The following ADAMTS17 variants were observed in gnomAD, a reference collection of about 807,000 sequenced individuals.
ADAMTS17 encodes ADAM metallopeptidase with thrombospondin type 1 motif 17.
Under a neutral mutation model 141.5 loss-of-function variants are expected in ADAMTS17, and 113 were observed. That is an observed-to-expected ratio of 0.80 (90% CI 0.69 to 0.93). The LOEUF (loss-of-function observed/expected upper bound fraction) is 0.93, where lower values mean the gene tolerates loss of function less well. ADAMTS17 is among the 40% of genes least tolerant of loss of function. ADAMTS17 has a pLI of 0.00. For synonymous variants in ADAMTS17, 768 were observed against 630.6 expected (o/e 1.22, Z -3.27); for missense variants, 1,659 against 1,517.9 (o/e 1.09, Z -1.54).
At chr15:100,323,127 G>T (rs1356912990) in intron 3 of ADAMTS17, among the ~76,000 whole-genome samples, 1 of 141,846 alleles carries the variant, frequency 7.0e-6, no homozygotes. Flanking sequence ...ATGTTGTAAA[G>T]ATACCAAAAA....
At chr15:100,288,641 CA>C (rs1184121630) in intron 3 of ADAMTS17, among the ~76,000 whole-genome samples, 2 of 152,212 alleles carry the variant, frequency 1.3e-5, no homozygotes, top group South Asian at 4.1e-4. Flanking sequence ...AGCACATTCA[CA>C]AAAAACCCAA....
At chr15:100,243,869 A>G (rs1240148543) in intron 7 of ADAMTS17, among the ~76,000 whole-genome samples, 2 of 152,004 alleles carry the variant, frequency 1.3e-5, no homozygotes, top group Non-Finnish European at 2.9e-5. Flanking sequence ...AATGAGTGTG[A>G]TTAGTCATCC....
rs1292952222 is a variant in ADAMTS17, at chr15:100,152,660, C to G, written c.1425G>C (p.Gln475His). 1 of 1,614,164 alleles carries G rather than the reference C, an allele frequency of 6.2e-7. No homozygotes were observed. Among genetic ancestry groups the G allele is most frequent in the Non-Finnish European group, 8.5e-7 (1 of 1,180,032 alleles). Residue 475 changes from glutamine to histidine, a missense_variant, in exon 10 of 22, where the codon CAG (glutamine) becomes CAC (histidine). Physicochemically the swap from Gln to His is conservative, Grantham distance 24. Coordinates refer to ENST00000268070, the MANE Select transcript of ADAMTS17 (RefSeq NM_139057.4). ...LPGMHYSANE[Q>H]CQILFGMNAT... ...CATTCATGCCAAACAGGATCTGGCA[C>G]TGCTCGTTGGCACTGTAGTGCATGC...
chr15:100,264,232 T>C (rs1359342344), intron 4 of ADAMTS17, among the ~76,000 whole-genome samples: 2 of 152,204 alleles, frequency 1.3e-5, no homozygotes, highest in African/African-American at 4.8e-5. Context: ...CACATATTCA[T>C]GTCCTATCCC....
chr15:100,148,373 A>C (rs1166991275), intron 10 of ADAMTS17, among the ~76,000 whole-genome samples: 3 of 137,916 alleles, frequency 2.2e-5, no homozygotes, highest in African/African-American at 8.1e-5. Flanking sequence ...ATTTCCACCT[A>C]GTATCATTTT....
At chr15:100,164,232 G>T (rs893377573) in intron 8 of ADAMTS17, among the ~76,000 whole-genome samples, 1 of 152,140 alleles carries the variant, frequency 6.6e-6, no homozygotes, top group African/African-American at 2.4e-5. Flanking sequence ...CAGCAGCCAG[G>T]GAGGATGATA....
chr15:100,183,884 G>A (rs967081939), intron 8 of ADAMTS17, among the ~76,000 whole-genome samples: 5 of 152,148 alleles, frequency 3.3e-5, no homozygotes, highest in Non-Finnish European at 5.9e-5. Context: ...TTATGGTATC[G>A]TTGAGGCTCC....
Position 100,054,013 on chromosome 15 carries a change from T to C in ADAMTS17, c.2179A>G (p.Lys727Glu). Residue 727 changes from lysine to glutamate, a missense_variant, in exon 16 of 22, where the codon AAG becomes GAG. Coordinates refer to ENST00000268070, the MANE Select transcript of ADAMTS17 (RefSeq NM_139057.4). ...SGKGSINSDW[K>E]IELPGEFQIA... ...TGGAACTCTCCGGGGAGCTCTATCT[T>C]CCAGTCACTGTTGATGGACCCCTTA... 3 of 1,614,184 alleles carry C rather than the reference T, an allele frequency of 1.9e-6. No individual in the cohort carries two copies. The highest frequency in any genetic ancestry group is 2.5e-6 in the Non-Finnish European group (3 of 1,180,036).
intron 10 of ADAMTS17, among the ~76,000 whole-genome samples, chr15:100,138,435 C>T (rs575477225): frequency 4.7e-4 from 71 of 152,088 alleles, no homozygotes; most frequent in African/African-American, 1.7e-3. Context: ...AAGCTAGCAG[C>T]AAGATATTAA....
chr15:100,269,430 TTTGA>T (rs2043828350), intron 4 of ADAMTS17, among the ~76,000 whole-genome samples: 2 of 152,204 alleles, frequency 1.3e-5, no homozygotes, highest in Admixed American at 6.5e-5. Context: ...TTGCTGGGAT[TTTGA>T]TTGATTGACT....
At chr15:100,086,047 C>G in intron 15 of ADAMTS17, among the ~76,000 whole-genome samples, 1 of 150,636 alleles carries the variant, frequency 6.6e-6, no homozygotes, top group East Asian at 2.0e-4. Context: ...AAGACACAGA[C>G]TAGCAAACTG....
intron 3 of ADAMTS17, among the ~76,000 whole-genome samples, chr15:100,297,413 G>C (rs756773328): frequency 8.5e-5 from 13 of 152,118 alleles, no homozygotes; most frequent in Non-Finnish European, 1.8e-4. Context: ...CACACTGGTT[G>C]GATAACTACT....
intron 7 of ADAMTS17, among the ~76,000 whole-genome samples, chr15:100,213,524 G>A (rs141202986): frequency 1.3e-5 from 2 of 152,112 alleles, no homozygotes; most frequent in African/African-American, 2.4e-5. Flanking sequence ...GCCAGTGCCC[G>A]TCAGCATGGG....
At chr15:100,020,280 C>G (rs1014665086) in intron 18 of ADAMTS17, among the ~76,000 whole-genome samples, 15 of 152,324 alleles carry the variant, frequency 9.8e-5, no homozygotes, top group African/African-American at 2.2e-4. Context: ...TGACAAGGAT[C>G]TCAGAAAATG....
chr15:100,258,392 T>C (rs4496115), intron 6 of ADAMTS17, among the ~76,000 whole-genome samples: 23,918 of 152,212 alleles, frequency 0.16, 2,071 homozygotes, highest in African/African-American at 0.2. Flanking sequence ...TATTTTCCAT[T>C]GTTTTGCGTA....
At chr15:100,272,640 C>G (rs769019018) in intron 4 of ADAMTS17, among the ~76,000 whole-genome samples, 1 of 57,170 alleles carries the variant, frequency 1.7e-5, no homozygotes, top group Non-Finnish European at 3.8e-5. Flanking sequence ...CATCTGTGAA[C>G]AGAGATCATT....
intron 18 of ADAMTS17, among the ~76,000 whole-genome samples, chr15:100,012,406 T>C (rs1382802454): frequency 2.6e-5 from 4 of 152,238 alleles, no homozygotes. Flanking sequence ...CAACTATTTA[T>C]CTTTGTTTTT....
intron 8 of ADAMTS17, among the ~76,000 whole-genome samples, chr15:100,162,941 T>C (rs2039789420): frequency 6.9e-6 from 1 of 144,986 alleles, no homozygotes; most frequent in Non-Finnish European, 1.5e-5. Flanking sequence ...TATATGTATA[T>C]ATTTGTGTAT....
chr15:100,082,132 C>A (rs968127380), intron 15 of ADAMTS17, among the ~76,000 whole-genome samples: 1 of 152,138 alleles, frequency 6.6e-6, no homozygotes, highest in Non-Finnish European at 1.5e-5. Context: ...GCGGTGCAAT[C>A]TTGGCTCACT....
Sources: allele counts gnomAD v4.1 joint callset (sites outside exome capture counted in the v4.1 genomes callset), GRCh38; gene constraint gnomAD v4.1.1; transcripts MANE v1.5; gene names NCBI Gene and HGNC (gene_info 2026-07-23, HGNC 2026-07-21).